ALCAM: variants seen among roughly 807,000 people sequenced by gnomAD.
ALCAM encodes CD166 antigen.
ALCAM carries 30 observed loss-of-function variants against 70.9 expected under a neutral mutation model. The observed-to-expected ratio is 0.42, with a 90% confidence interval of 0.32 to 0.57. The LOEUF (loss-of-function observed/expected upper bound fraction) is 0.57, where lower values mean the gene tolerates loss of function less well. ALCAM is among the 20% of genes least tolerant of loss of function. The pLI, the probability that ALCAM is intolerant of heterozygous loss-of-function variation, is 0.11. For synonymous variants in ALCAM, 249 were observed against 242.5 expected (o/e 1.03, Z -0.25); for missense variants, 591 against 695.1 (o/e 0.85, Z 1.68).
In ALCAM at chr3:105,533,653, G is replaced by T; in HGVS notation, c.510G>T (p.Trp170Cys). 5.6e-6 allele frequency: 9 copies of T among 1,612,078 alleles called. No homozygotes were observed. The highest frequency in any genetic ancestry group is 7.6e-6 in the Non-Finnish European group (9 of 1,178,590). ...GTTATCCAGATGGCAATATCACATG[G>T]TACAGGAATGGAAAAGTGCTACATC... ...EDSYPDGNIT[W>C]YRNGKVLHPL... The change falls in exon 5 of 16, where the codon TGG becomes TGT. Residue 170 changes from tryptophan to cysteine, a missense_variant. Physicochemically the swap from Trp to Cys is radical, Grantham distance 215. Around this residue, in one of 2 missense-constraint regions of ALCAM, gnomAD observed 427 missense variants for 450.4 expected, o/e 0.95. Coordinates refer to ENST00000306107, the MANE Select transcript of ALCAM (RefSeq NM_001627.4).
intron 1 of ALCAM, among the ~76,000 whole-genome samples, chr3:105,480,211 G>A (rs1327992215): frequency 2.0e-5 from 3 of 151,984 alleles, no homozygotes; most frequent in Admixed American, 6.6e-5. Flanking sequence ...TTAGCCATGC[G>A]TGGTGGCACG....
intron 1 of ALCAM, among the ~76,000 whole-genome samples, chr3:105,369,055 C>G (rs577174754): frequency 1.3e-5 from 2 of 152,228 alleles, no homozygotes; most frequent in South Asian, 4.2e-4. Flanking sequence ...GAGGAAAGGA[C>G]ACTTTGGAGC....
chr3:105,469,981 G>T (rs543458097), intron 1 of ALCAM, among the ~76,000 whole-genome samples: 1 of 149,814 alleles, frequency 6.7e-6, no homozygotes, highest in South Asian at 2.1e-4. Context: ...TACCTCATAG[G>T]GGCATTATCA....
intron 1 of ALCAM, among the ~76,000 whole-genome samples, chr3:105,376,455 T>G (rs1559769779): frequency 6.6e-6 from 1 of 152,154 alleles, no homozygotes; most frequent in Non-Finnish European, 1.5e-5. Flanking sequence ...GAACTAAAAC[T>G]CATGTCAATT....
chr3:105,424,884 T>C (rs1183048400), intron 1 of ALCAM, among the ~76,000 whole-genome samples: 2 of 151,676 alleles, frequency 1.3e-5, no homozygotes, highest in Non-Finnish European at 1.5e-5. Context: ...CTTGAGAGAT[T>C]GGCCTCCTTC....
chr3:105,389,754 A>AT (rs1242039637), intron 1 of ALCAM, among the ~76,000 whole-genome samples: 1 of 145,624 alleles, frequency 6.9e-6, no homozygotes, highest in Non-Finnish European at 1.5e-5. Context: ...CCCCCTCAAC[A>AT]GGTCCCATTG....
intron 2 of ALCAM, among the ~76,000 whole-genome samples, chr3:105,522,230 T>C (rs1022890926): frequency 3.3e-5 from 5 of 152,122 alleles, no homozygotes; most frequent in Non-Finnish European, 7.4e-5. Context: ...TCAGCAAAAG[T>C]CTTCAGCAAT....
chr3:105,369,442 G>T (rs947526445), intron 1 of ALCAM, among the ~76,000 whole-genome samples: 1 of 152,158 alleles, frequency 6.6e-6, no homozygotes, highest in African/African-American at 2.4e-5. Context: ...ATCCGATATC[G>T]GCCCTGGACC....
intron 14 of ALCAM, among the ~76,000 whole-genome samples, chr3:105,559,994 T>C (rs1348137883): frequency 6.6e-6 from 1 of 152,176 alleles, no homozygotes; most frequent in Non-Finnish European, 1.5e-5. Context: ...CAGTTTGGGC[T>C]ACTGCAAATA....
chr3:105,528,953 A>G (rs1002005410), intron 3 of ALCAM, among the ~76,000 whole-genome samples: 1 of 152,216 alleles, frequency 6.6e-6, no homozygotes, highest in Non-Finnish European at 1.5e-5. Flanking sequence ...GGCACATACT[A>G]CATGTTGCCA....
intron 1 of ALCAM, among the ~76,000 whole-genome samples, chr3:105,470,996 T>A (rs1937909458): frequency 6.6e-6 from 1 of 151,302 alleles, no homozygotes; most frequent in Non-Finnish European, 1.5e-5. Flanking sequence ...CAAGCTGCTC[T>A]GTGAAAGGTT....
intron 1 of ALCAM, among the ~76,000 whole-genome samples, chr3:105,441,802 A>C (rs1043530520): frequency 6.6e-6 from 1 of 152,210 alleles, no homozygotes; most frequent in Non-Finnish European, 1.5e-5. Flanking sequence ...CTTAGAAATG[A>C]CGATAAAAGA....
intron 1 of ALCAM, among the ~76,000 whole-genome samples, chr3:105,423,006 T>C (rs1006188254): frequency 2.0e-5 from 3 of 151,528 alleles, no homozygotes; most frequent in South Asian, 2.1e-4. Context: ...ACTGGAATCT[T>C]CTAATGTAAG....
In ALCAM at chr3:105,382,274, AT is replaced by A. The variant is rs1241219476; in HGVS notation, c.73+14799del. Among the ~76,000 whole-genome samples, 4 of 152,032 alleles carry A rather than the reference AT, an allele frequency of 2.6e-5. No homozygotes were observed. In the South Asian group the frequency reaches 8.3e-4, roughly 32 times the overall value. ...TCCCTACAAAGGACATGAATTCATC[AT>A]TTTTTATGGCTGCATAGTATTCCAT... On this transcript the variant is annotated intron_variant, in intron 1 of 15. Transcript: ENST00000306107.
At chr3:105,475,093 A>T (rs1162544052) in intron 1 of ALCAM, among the ~76,000 whole-genome samples, 1 of 151,876 alleles carries the variant, frequency 6.6e-6, no homozygotes, top group Non-Finnish European at 1.5e-5. Context: ...TAGTCCCTGC[A>T]GTGGCTGAAA....
At chr3:105,513,996 T>C (rs1939313089) in intron 1 of ALCAM, among the ~76,000 whole-genome samples, 1 of 152,010 alleles carries the variant, frequency 6.6e-6, no homozygotes, top group Non-Finnish European at 1.5e-5. Flanking sequence ...GCTATTGAGG[T>C]AGTTCCTATC....
chr3:105,531,017 A>G (rs985376132), intron 3 of ALCAM, among the ~76,000 whole-genome samples: 1 of 152,056 alleles, frequency 6.6e-6, no homozygotes, highest in South Asian at 2.1e-4. Flanking sequence ...TATAAAAGAA[A>G]AAGTAGCTGA....
chr3:105,395,532 C>T (rs1480974511), intron 1 of ALCAM, among the ~76,000 whole-genome samples: 1 of 151,842 alleles, frequency 6.6e-6, no homozygotes, highest in Non-Finnish European at 1.5e-5. Flanking sequence ...TTAGATTATT[C>T]CCATGAAAAT....
chr3:105,552,591 T>C lies in ALCAM; in HGVS notation c.1664+6T>C, dbSNP rs1266426189. ...CTGTACATGAAGAAGTCAAAGTGAG[T>C]TGTGGAAAAAAGATCTTCATCGTTC... On this transcript the variant is annotated splice_donor_region_variant and intron_variant, in intron 14 of 15. Coordinates refer to ENST00000306107, the MANE Select transcript of ALCAM (RefSeq NM_001627.4). The C allele has an allele frequency of 6.2e-7, 1 of 1,610,822 alleles. No homozygotes were observed. Among genetic ancestry groups the C allele is most frequent in the African/African-American group, 1.3e-5 (1 of 74,750 alleles).
Sources: allele counts gnomAD v4.1 joint callset (sites outside exome capture counted in the v4.1 genomes callset), GRCh38; gene constraint gnomAD v4.1.1; regional missense constraint gnomAD v4.1.1; transcripts MANE v1.5; gene names NCBI Gene and HGNC (gene_info 2026-07-23, HGNC 2026-07-21).